ANTXR1: variants seen among roughly 807,000 people sequenced by gnomAD.
The protein encoded by ANTXR1 is anthrax toxin receptor 1.
ANTXR1 carries 19 observed loss-of-function variants against 78.1 expected under a neutral mutation model. That is an observed-to-expected ratio of 0.24 (90% CI 0.17 to 0.36). The LOEUF is 0.36. ANTXR1 is among the 10% of genes least tolerant of loss of function. The pLI is 1.00. For synonymous variants in ANTXR1, 273 were observed against 260.5 expected (o/e 1.05, Z -0.46); for missense variants, 518 against 718.6 (o/e 0.72, Z 3.19).
At chr2:69,113,053 TC>T (rs201811367) in intron 10 of ANTXR1, among the ~76,000 whole-genome samples, 1,740 of 152,280 alleles carry the variant, frequency 0.011, 28 homozygotes, top group African/African-American at 0.04. Flanking sequence ...CCTTGATGTT[TC>T]CCCTGCTCTA....
At chr2:69,074,278 A>G (rs1670661248) in intron 6 of ANTXR1, among the ~76,000 whole-genome samples, 1 of 152,226 alleles carries the variant, frequency 6.6e-6, no homozygotes. Flanking sequence ...ATACATCTCT[A>G]TATTTGAAAG....
At chr2:69,080,338 A>C (rs1670864411) in intron 8 of ANTXR1, among the ~76,000 whole-genome samples, 1 of 152,136 alleles carries the variant, frequency 6.6e-6, no homozygotes, top group African/African-American at 2.4e-5. Flanking sequence ...CCCCCATCTG[A>C]AGCCTCTATC....
chr2:69,028,881 A>T (rs1005687712), intron 1 of ANTXR1, among the ~76,000 whole-genome samples: 12 of 152,142 alleles, frequency 7.9e-5, no homozygotes, highest in African/African-American at 2.7e-4. Flanking sequence ...AGTTTGAGAA[A>T]ATTCCTCAGA....
intron 9 of ANTXR1, among the ~76,000 whole-genome samples, 186 bp from the exon 10 acceptor site, chr2:69,102,656 A>G (rs568305981): frequency 2.1e-4 from 32 of 152,320 alleles, no homozygotes; most frequent in African/African-American, 7.7e-4. Flanking sequence ...TTCTTGGGAC[A>G]CCTAGTGAGG....
chr2:69,023,381 A>ATGATGGTGATAAGGATAATGG (rs1472329605), intron 1 of ANTXR1, among the ~76,000 whole-genome samples: 1 of 151,932 alleles, frequency 6.6e-6, no homozygotes, highest in East Asian at 1.9e-4. Flanking sequence ...GATGAAGATG[A>ATGATGGTGATAAGGATAATGG]TGATGGTGAT....
intron 3 of ANTXR1, among the ~76,000 whole-genome samples, chr2:69,053,602 A>C (rs1158657516): frequency 1.3e-5 from 2 of 152,206 alleles, no homozygotes; most frequent in Non-Finnish European, 2.9e-5. Flanking sequence ...CTATTTCTAC[A>C]GTAATTTGGA....
intron 12 of ANTXR1, chr2:69,145,645 C>T: frequency 8.2e-7 from 1 of 1,221,128 alleles, no homozygotes; most frequent in Non-Finnish European, 1.0e-6. Flanking sequence ...CAGGCAGAAT[C>T]CTGGTGCAGA....
At chr2:69,198,810 T>C (rs1230267641) in intron 17 of ANTXR1, among the ~76,000 whole-genome samples, 8 of 152,212 alleles carry the variant, frequency 5.3e-5, no homozygotes, top group Admixed American at 5.2e-4. Context: ...TTCCTGAGTA[T>C]TTTAGTGTAG....
chr2:69,023,553 G>A (rs1028890605), intron 1 of ANTXR1, among the ~76,000 whole-genome samples: 2 of 152,070 alleles, frequency 1.3e-5, no homozygotes, highest in African/African-American at 4.8e-5. Context: ...CAGTGGTCAT[G>A]GTGGTGGTGG....
chr2:69,217,804 C>A (rs1402738329), intron 17 of ANTXR1, among the ~76,000 whole-genome samples: 1 of 144,664 alleles, frequency 6.9e-6, no homozygotes, highest in Non-Finnish European at 1.5e-5. Flanking sequence ...TAGGCACTAG[C>A]GGTATATGGA....
intron 12 of ANTXR1, among the ~76,000 whole-genome samples, chr2:69,129,418 C>A (rs1253380711): frequency 6.6e-6 from 1 of 152,100 alleles, no homozygotes; most frequent in Non-Finnish European, 1.5e-5. Flanking sequence ...CCTTAAGGAG[C>A]CTAAAATCCA....
intron 1 of ANTXR1, among the ~76,000 whole-genome samples, chr2:69,020,315 C>A (rs1489636422): frequency 1.3e-5 from 2 of 152,108 alleles, no homozygotes; most frequent in Non-Finnish European, 2.9e-5. Context: ...GCCTTTGAGG[C>A]CAGGCAAGAG....
intron 13 of ANTXR1, among the ~76,000 whole-genome samples, chr2:69,160,053 T>C (rs756372691): frequency 1.3e-5 from 2 of 152,262 alleles, no homozygotes; most frequent in African/African-American, 2.4e-5. Context: ...AGGCAACTTC[T>C]GATGCAGGCA....
At chr2:69,096,141 C>T (rs530130692) in intron 9 of ANTXR1, among the ~76,000 whole-genome samples, 57 of 151,846 alleles carry the variant, frequency 3.8e-4, no homozygotes, top group African/African-American at 1.3e-3. Flanking sequence ...TCCTGTAGTC[C>T]CAGCTACTCG....
intron 17 of ANTXR1, among the ~76,000 whole-genome samples, chr2:69,233,753 C>T (rs1191529577): frequency 6.6e-6 from 1 of 151,580 alleles, no homozygotes; most frequent in Non-Finnish European, 1.5e-5. Flanking sequence ...ATAAGGACAC[C>T]TGACATCACT....
At chr2:69,022,302 A>G (rs540634520) in intron 1 of ANTXR1, among the ~76,000 whole-genome samples, 99 of 152,262 alleles carry the variant, frequency 6.5e-4, no homozygotes, top group African/African-American at 2.3e-3. Context: ...ACGGTGTTTC[A>G]TTGTGATGGA....
intron 3 of ANTXR1, among the ~76,000 whole-genome samples, chr2:69,059,382 G>A (rs1041729176): frequency 3.0e-4 from 45 of 152,134 alleles, no homozygotes; most frequent in Admixed American, 2.0e-3. Context: ...CGTCAGTATC[G>A]AGGCAGAACC....
intron 9 of ANTXR1, among the ~76,000 whole-genome samples, chr2:69,093,048 C>A (rs892345806): frequency 2.0e-5 from 3 of 152,322 alleles, no homozygotes; most frequent in Middle Eastern, 6.8e-3. Context: ...AGTCTAAAGA[C>A]AATGAACACA....
intron 9 of ANTXR1, among the ~76,000 whole-genome samples, chr2:69,091,423 G>A (rs59856405): frequency 0.074 from 10,682 of 144,136 alleles, 525 homozygotes; most frequent in East Asian, 0.22. Flanking sequence ...TCCAGCCTGG[G>A]TGACAGAGCA....
Sources: allele counts gnomAD v4.1 joint callset (sites outside exome capture counted in the v4.1 genomes callset), GRCh38; gene constraint gnomAD v4.1.1; transcripts MANE v1.5; gene names NCBI Gene and HGNC (gene_info 2026-07-23, HGNC 2026-07-21).